MAPK14: variants seen among roughly 807,000 people sequenced by gnomAD.
MAPK14 encodes CSAID-binding protein.
A neutral mutation model predicts 49.6 loss-of-function variants in MAPK14; 16 were observed. The ratio of observed to expected loss-of-function variants is 0.32; its 90% confidence interval spans 0.22 to 0.49. MAPK14 has a LOEUF of 0.49. MAPK14 is among the 20% of genes least tolerant of loss of function. MAPK14 has a pLI of 0.99. For missense variants in MAPK14, 200 were observed against 441.2 expected, an observed-to-expected ratio of 0.45 and a Z score of 4.90; for synonymous variants, 142 against 158.0, an observed-to-expected ratio of 0.90 and a Z score of 0.76.
chr6:36,093,714 C>G (rs1209756800), intron 8 of MAPK14, among the ~76,000 whole-genome samples: 1 of 111,796 alleles, frequency 8.9e-6, no homozygotes, highest in African/African-American at 3.7e-5. Context: ...GCGAGAGACT[C>G]CGTCTCAAAA....
chr6:36,076,560 A>G lies in MAPK14; in HGVS notation c.634A>G (p.Ile212Val). The G allele has an allele frequency of 1.9e-6, 3 of 1,613,956 alleles. No individual in the cohort carries two copies. Among genetic ancestry groups the G allele is most frequent in the Non-Finnish European group, 2.5e-6 (3 of 1,179,824 alleles). The change falls in exon 8 of 12, where the codon ATA (isoleucine) becomes GTA (valine). Residue 212 changes from isoleucine to valine, a missense_variant. By Grantham distance (29) the Ile-to-Val change is conservative. Around this residue, in one of 2 missense-constraint regions of MAPK14, gnomAD observed 170 missense variants for 407.0 expected, o/e 0.42. Coordinates refer to ENST00000229794, the MANE Select transcript of MAPK14 (RefSeq NM_139012.3). The part of the protein sequence containing the change: ...QTVDIWSVGC[I>V]MAELLTGRTL... ...AGTTGATATTTGGTCAGTGGGATGCATAATGGCCGAGCTGTTGACTGGAAG... is the reference window on the plus strand; with the variant it reads ...AGTTGATATTTGGTCAGTGGGATGCGTAATGGCCGAGCTGTTGACTGGAAG...
chr6:36,063,941 A>C (rs7752369), intron 3 of MAPK14, among the ~76,000 whole-genome samples: 1,907 of 152,280 alleles, frequency 0.013, 47 homozygotes, highest in African/African-American at 0.043. Flanking sequence ...TACTGCATGC[A>C]TATATATTCC....
Position 36,075,994 on chromosome 6 carries a change from T to C in MAPK14, c.610+32T>C, listed in dbSNP as rs144239990. The C allele has an allele frequency of 1.5e-3, 2,411 of 1,610,080 alleles. 15 individuals carry two copies. In the Middle Eastern group the frequency reaches 0.018, roughly 12 times the overall value. On this transcript the variant is annotated intron_variant, in intron 7 of 11. Transcript: ENST00000229794. Reference sequence around the variant, plus strand: ...CTCGCCTTGGTTATTTAGGGCCTTATTTAATTCCATGTTGGATGCATTTGG... The same window carrying C: ...CTCGCCTTGGTTATTTAGGGCCTTACTTAATTCCATGTTGGATGCATTTGG...
chr6:36,028,096 G>A lies in MAPK14; in HGVS notation c.-62G>A, dbSNP rs954774355. On this transcript the variant is annotated 5_prime_UTR_variant, in exon 1 of 12. Transcript: ENST00000229794. This position sits in a 1 kb window ranked among gnomAD's most constrained non-coding sequence, Gnocchi z 5.1. The stretch of plus-strand genomic sequence containing the variant: ...GGCGGGCAGCAAGGGCCGGGGAGAG[G>A]GTGCGGGTGCAGGCGGGGGCCCCAC... 5 of 1,134,322 alleles carry A rather than the reference G, an allele frequency of 4.4e-6. No homozygotes were observed. In the African/African-American group the frequency reaches 6.2e-5, roughly 14 times the overall value. 70.3% of individuals were successfully genotyped at this position (1,134,322 alleles called of 1,614,324 possible). A position where few individuals can be genotyped will look rare whatever the true frequency, so the allele number is the denominator to read the frequency against.
In MAPK14 at chr6:36,065,983, A is replaced by G. The variant is rs968899115; in HGVS notation, c.305+6636A>G. ...GGTTTGACTTCTTGCCAACATTACA[A>G]CTATGTCCTTTCTTCAAAAAACAGG... On this transcript the variant is annotated intron_variant, in intron 3 of 11. Coordinates refer to ENST00000229794, the MANE Select transcript of MAPK14 (RefSeq NM_139012.3). Among the ~76,000 whole-genome samples, 7 of 152,230 alleles carry G rather than the reference A, an allele frequency of 4.6e-5. No homozygotes were observed. The East Asian group carries it at 7.7e-4, about 17-fold the overall frequency.
chr6:36,099,323 G>A (rs1362012328), intron 9 of MAPK14, among the ~76,000 whole-genome samples: 5 of 152,238 alleles, frequency 3.3e-5, no homozygotes, highest in African/African-American at 1.2e-4. Flanking sequence ...AGAAGAGGGT[G>A]AGTTGTATTA....
At chr6:36,074,800 G>A (rs1463737358) in intron 6 of MAPK14, among the ~76,000 whole-genome samples, 1 of 151,828 alleles carries the variant, frequency 6.6e-6, no homozygotes, top group East Asian at 2.0e-4. Context: ...ATTTTTAGTA[G>A]AGATGGGATT....
At chr6:36,060,681 A>G (rs1013449473) in intron 3 of MAPK14, among the ~76,000 whole-genome samples, 2 of 152,188 alleles carry the variant, frequency 1.3e-5, no homozygotes, top group African/African-American at 4.8e-5. Context: ...CCCACAGAAC[A>G]CAAAGGGGAT....
At chr6:36,085,145 T>G (rs948585839) in intron 8 of MAPK14, among the ~76,000 whole-genome samples, 4 of 152,190 alleles carry the variant, frequency 2.6e-5, no homozygotes, top group African/African-American at 9.7e-5. Flanking sequence ...CCACCAGGCC[T>G]GTCTTGCAAG....
At chr6:36,111,524 G>A (rs1034644290), downstream of MAPK14, among the ~76,000 whole-genome samples, 5 of 152,176 alleles carry the variant, frequency 3.3e-5, no homozygotes, top group African/African-American at 1.2e-4. Flanking sequence ...TACATTGTTT[G>A]TAAGCTTTTA....
At chr6:36,072,272 A>T (rs1256662014) in intron 3 of MAPK14, among the ~76,000 whole-genome samples, 3 of 152,086 alleles carry the variant, frequency 2.0e-5, no homozygotes, top group Non-Finnish European at 4.4e-5. Context: ...CAGGAGTTTG[A>T]GGTTGCAGTG....
intron 1 of MAPK14, among the ~76,000 whole-genome samples, chr6:36,051,924 A>G (rs947814456): frequency 6.6e-6 from 1 of 151,906 alleles, no homozygotes; most frequent in African/African-American, 2.4e-5. Context: ...TTTTTCTTAT[A>G]TATTTATATA....
intron 3 of MAPK14, among the ~76,000 whole-genome samples, chr6:36,060,704 C>T (rs1302467014): frequency 6.6e-6 from 1 of 152,022 alleles, no homozygotes; most frequent in East Asian, 1.9e-4. Flanking sequence ...GTTTGAACTT[C>T]TATGTTCTGT....
intron 10 of MAPK14, among the ~76,000 whole-genome samples, chr6:36,104,772 C>G (rs1765751216): frequency 6.6e-6 from 1 of 152,180 alleles, no homozygotes; most frequent in Non-Finnish European, 1.5e-5. Context: ...TACTCACTGA[C>G]ACCCTCTTAA....
intron 8 of MAPK14, among the ~76,000 whole-genome samples, chr6:36,082,734 A>C (rs548531132): frequency 1.3e-5 from 2 of 152,084 alleles, no homozygotes; most frequent in Non-Finnish European, 2.9e-5. Context: ...ATCAGGCCCC[A>C]CCTCCAACAT....
At chr6:36,068,743 G>A (rs1178429073) in intron 3 of MAPK14, among the ~76,000 whole-genome samples, 1 of 152,124 alleles carries the variant, frequency 6.6e-6, no homozygotes, top group African/African-American at 2.4e-5. Flanking sequence ...GGCGGGGGCA[G>A]TGGTGCTGGT....
intron 3 of MAPK14, among the ~76,000 whole-genome samples, chr6:36,060,740 G>T (rs1763786595): frequency 6.6e-6 from 1 of 152,146 alleles, no homozygotes; most frequent in Non-Finnish European, 1.5e-5. Context: ...AAGAAATAAA[G>T]AAGATGAAAT....
chr6:36,091,935 G>T, intron 8 of MAPK14: 1 of 212,382 alleles, frequency 4.7e-6, no homozygotes, highest in Non-Finnish European at 9.5e-6. Flanking sequence ...CAAAGCCTTT[G>T]TGAAGAAGGC....
intron 3 of MAPK14, among the ~76,000 whole-genome samples, chr6:36,067,913 C>T (rs779349568): frequency 6.6e-6 from 1 of 152,050 alleles, no homozygotes; most frequent in Non-Finnish European, 1.5e-5. Flanking sequence ...CAAAAAATAA[C>T]CCTGTCCTCC....
Sources: allele counts gnomAD v4.1 joint callset (sites outside exome capture counted in the v4.1 genomes callset), GRCh38; gene constraint gnomAD v4.1.1; regional missense constraint gnomAD v4.1.1; non-coding constraint Gnocchi (gnomAD v3.1); transcripts MANE v1.5; gene names NCBI Gene and HGNC (gene_info 2026-07-23, HGNC 2026-07-21).